Variants in CTBP2 observed in about 807,000 individuals in gnomAD.
CTBP2 encodes the protein C-terminal-binding protein 2.
In CTBP2, 30 loss-of-function variants were observed where a neutral mutation model predicts 80.3. The ratio of observed to expected loss-of-function variants is 0.37; its 90% confidence interval spans 0.28 to 0.51. The LOEUF (loss-of-function observed/expected upper bound fraction) is 0.51, where lower values mean the gene tolerates loss of function less well. Ranked by LOEUF, CTBP2 falls within the 20% of genes least tolerant of loss-of-function variation. CTBP2 has a pLI of 0.93. For missense variants in CTBP2, 1,212 were observed against 1,375.3 expected, an observed-to-expected ratio of 0.88 and a Z score of 1.88; for synonymous variants, 594 against 587.4, an observed-to-expected ratio of 1.01 and a Z score of -0.16.
At chr10:124,991,903 G>GGGGGT (rs1564999058) in intron 8 of CTBP2, among the ~76,000 whole-genome samples, 1 of 142,632 alleles carries the variant, frequency 7.0e-6, no homozygotes, top group Admixed American at 7.1e-5. Flanking sequence ...TGGGGGGGGG[G>GGGGGT]GTGTGGGAGA....
intron 1 of CTBP2, among the ~76,000 whole-genome samples, chr10:125,144,093 G>A (rs1858316183): frequency 6.6e-6 from 1 of 152,250 alleles, no homozygotes; most frequent in East Asian, 1.9e-4. Flanking sequence ...TCATATCAAG[G>A]GGCAAACAGA....
At position 124,985,041 on chromosome 10, in the gene CTBP2, C is replaced by A; in HGVS notation, c.*4477G>T. 1 of 1,430,686 alleles carries A rather than the reference C, an allele frequency of 7.0e-7. No homozygotes were observed. The allele number at this position is 1,430,686 out of a possible 1,614,324, so 88.6% of individuals were successfully genotyped here. A position where few individuals can be genotyped will look rare whatever the true frequency, so the allele number is the denominator to read the frequency against. On this transcript the variant is annotated 3_prime_UTR_variant, in exon 9 of 9. Transcript: ENST00000309035. ...ACCAAGGCATCAGATCTGTAATGAC[C>A]CTAAAGTTAGTGTGGTGCTCCAAGC... is the stretch of plus-strand genomic sequence containing the variant.
At chr10:125,017,851 G>A (rs1300667205) in intron 1 of CTBP2, among the ~76,000 whole-genome samples, 2 of 152,190 alleles carry the variant, frequency 1.3e-5, no homozygotes, top group African/African-American at 4.8e-5. Context: ...GGTGTGATGC[G>A]GTTCTCAGAG....
At chr10:125,161,650 G>A (rs1271814394), upstream of CTBP2, among the ~76,000 whole-genome samples, 3 of 152,110 alleles carry the variant, frequency 2.0e-5, no homozygotes, top group Non-Finnish European at 4.4e-5. Context: ...GCAGGGAAGG[G>A]CCCTCTGTGC....
In CTBP2 at chr10:125,049,046, G is replaced by GACACACACACACACACACACACAC. The variant is rs1178000125; in HGVS notation, c.-101-9915_-101-9892dup. 5.5e-3 allele frequency among the ~76,000 whole-genome samples: 489 copies of GACACACACACACACACACACACAC among 89,630 alleles called. 21 individuals carry two copies. The highest frequency in any genetic ancestry group is 0.013 in the East Asian group (35 of 2,662). The allele number at this position is 89,630 out of a possible 152,430, so 58.8% of individuals were successfully genotyped here. On this transcript the variant is annotated intron_variant, in intron 2 of 10. Coordinates refer to the CTBP2 transcript ENST00000337195. ...GCCTCAATTTGCCCGCCTGACCACA[G>GACACACACACACACACACACACAC]ACACACACACACACACACACACACA...
intron 2 of CTBP2, among the ~76,000 whole-genome samples, chr10:125,039,698 C>T (rs990442199): frequency 5.3e-5 from 8 of 152,218 alleles, no homozygotes; most frequent in South Asian, 2.1e-4. Context: ...CACGTGAGAA[C>T]GCGGGTGGGA....
chr10:125,154,570 T>A (rs1002796244), intron 1 of CTBP2, among the ~76,000 whole-genome samples: 1 of 152,230 alleles, frequency 6.6e-6, no homozygotes, highest in African/African-American at 2.4e-5. Context: ...CTAAAGCAGA[T>A]CACTTTCTAA....
intron 2 of CTBP2, among the ~76,000 whole-genome samples, chr10:125,074,169 CAA>C (rs1845936762): frequency 6.6e-6 from 1 of 152,146 alleles, no homozygotes; most frequent in Non-Finnish European, 1.5e-5. Flanking sequence ...TCCCTCAAGG[CAA>C]AGTCTCCTGA....
chr10:125,096,822 A>C (rs961205551), intron 2 of CTBP2, among the ~76,000 whole-genome samples: 1 of 152,098 alleles, frequency 6.6e-6, no homozygotes, highest in Non-Finnish European at 1.5e-5. Flanking sequence ...AGAGTGCCCC[A>C]ATTTCTTCCG....
At chr10:125,102,060 G>A (rs1384681720) in intron 2 of CTBP2, among the ~76,000 whole-genome samples, 1 of 152,100 alleles carries the variant, frequency 6.6e-6, no homozygotes, top group East Asian at 1.9e-4. Context: ...CATGTACCAG[G>A]TATCTGTTAA....
Position 125,006,125 on chromosome 10 carries a change from G to C in CTBP2, c.1679-2633C>G, listed in dbSNP as rs1590020136. 7.1e-6 allele frequency: 5 copies of C among 702,188 alleles called. No individual in the cohort carries two copies. In the East Asian group the frequency reaches 2.8e-4, roughly 40 times the overall value. 43.5% of individuals were successfully genotyped at this position (702,188 alleles called of 1,614,324 possible). On this transcript the variant is annotated intron_variant, in intron 1 of 8. Transcript: ENST00000309035. The stretch of plus-strand genomic sequence containing the variant: ...GACACGGGTTGCCTTTCTCCTTGGT[G>C]AAACCCACCCTCTACCCTCCCTGAT...
intron 1 of CTBP2, among the ~76,000 whole-genome samples, chr10:125,127,511 T>C (rs968312912): frequency 2.6e-5 from 4 of 152,190 alleles, no homozygotes; most frequent in Admixed American, 2.6e-4. Flanking sequence ...CCTGTACCAA[T>C]TGGCTCGGTG....
intron 2 of CTBP2, among the ~76,000 whole-genome samples, chr10:125,082,027 G>C (rs61020689): frequency 0.11 from 17,302 of 152,182 alleles, 1,284 homozygotes; most frequent in African/African-American, 0.2. Context: ...CTGTGTGCCA[G>C]AGAATTCCAC....
In CTBP2 at chr10:125,127,950, G is replaced by A. The variant is rs1855536451; in HGVS notation, c.-205-16857C>T. ...GAGTCCTCAAAGAACTTTCCTGAAA[G>A]AGGTAGGATATAAATACATAAAATG... On this transcript the variant is annotated intron_variant, in intron 1 of 10. Coordinates refer to the CTBP2 transcript ENST00000337195. 2.0e-5 allele frequency among the ~76,000 whole-genome samples: 3 copies of A among 152,278 alleles called. No individual in the cohort carries two copies. In the South Asian group the frequency reaches 6.2e-4, roughly 32 times the overall value.
chr10:125,086,613 TA>T (rs66522424), intron 2 of CTBP2, among the ~76,000 whole-genome samples: 1,909 of 116,366 alleles, frequency 0.016, 38 homozygotes, highest in African/African-American at 0.045. Context: ...AAATTTTATT[TA>T]AAAAAAAAAA....
intron 1 of CTBP2, among the ~76,000 whole-genome samples, chr10:125,137,417 C>A (rs1486104702): frequency 6.6e-5 from 10 of 152,168 alleles, no homozygotes; most frequent in Non-Finnish European, 1.2e-4. Context: ...TTGTCAACCC[C>A]ACCAAGGCTG....
chr10:125,082,964 A>G (rs908163834), intron 2 of CTBP2, among the ~76,000 whole-genome samples: 1 of 152,162 alleles, frequency 6.6e-6, no homozygotes, highest in Admixed American at 6.5e-5. Context: ...TCAGCTCAGA[A>G]GCCAATGCTC....
intron 1 of CTBP2, among the ~76,000 whole-genome samples, chr10:125,012,901 AG>A (rs1418223489): frequency 7.6e-6 from 1 of 130,866 alleles, no homozygotes; most frequent in Non-Finnish European, 1.7e-5. Flanking sequence ...AAACCTGCCA[AG>A]GACAAAAAGG....
intron 4 of CTBP2, chr10:124,996,334 G>T (rs1953564475): frequency 6.6e-6 from 1 of 152,168 alleles, no homozygotes; most frequent in Admixed American, 6.5e-5. Context: ...TGAGCCCGCT[G>T]GGCCTGGGGG....
Sources: allele counts gnomAD v4.1 joint callset (sites outside exome capture counted in the v4.1 genomes callset), GRCh38; gene constraint gnomAD v4.1.1; transcripts MANE v1.5; gene names NCBI Gene and HGNC (gene_info 2026-07-23, HGNC 2026-07-21).